Variants in TTLL11 observed in about 807,000 individuals in gnomAD.
The protein encoded by TTLL11 is tubulin tyrosine ligase like 11, also known as tubulin polyglutamylase TTLL11.
In TTLL11, 42 loss-of-function variants were observed where a neutral mutation model predicts 51.7. The ratio of observed to expected loss-of-function variants is 0.81; its 90% confidence interval spans 0.64 to 1.05. The LOEUF (loss-of-function observed/expected upper bound fraction) is 1.05, where lower values mean the gene tolerates loss of function less well. Ranked by LOEUF, TTLL11 falls within the 50% of genes least tolerant of loss-of-function variation. TTLL11 has a pLI of 0.00. For synonymous variants in TTLL11, 381 were observed against 383.5 expected, an observed-to-expected ratio of 0.99 and a Z score of 0.08; for missense variants, 799 against 940.4, an observed-to-expected ratio of 0.85 and a Z score of 1.97.
chr9:122,025,867 C>A (rs1422532280), intron 3 of TTLL11, among the ~76,000 whole-genome samples: 1 of 152,230 alleles, frequency 6.6e-6, no homozygotes, highest in Non-Finnish European at 1.5e-5. Context: ...TTTGTAACAG[C>A]CAGAAAACTG....
At chr9:122,015,923 G>T (rs1004528035) in intron 3 of TTLL11, among the ~76,000 whole-genome samples, 2 of 152,144 alleles carry the variant, frequency 1.3e-5, no homozygotes, top group African/African-American at 4.8e-5. Flanking sequence ...ATAGGCACTG[G>T]GGAGATAATG....
intron 2 of TTLL11, among the ~76,000 whole-genome samples, chr9:122,035,320 G>T (rs1245736365): frequency 2.6e-5 from 4 of 152,190 alleles, no homozygotes; most frequent in Non-Finnish European, 5.9e-5. Context: ...CCTATCGATT[G>T]GGAAAACCTC....
chr9:121,850,110 A>C (rs1487198051), intron 8 of TTLL11, among the ~76,000 whole-genome samples: 1 of 152,084 alleles, frequency 6.6e-6, no homozygotes, highest in East Asian at 1.9e-4. Flanking sequence ...GGCTGATTTA[A>C]ATCTGCACAT....
rs1554785376 is a variant in TTLL11 at position 122,030,202 on chromosome 9, T to TGC, written c.693+1520_693+1521insGC. ...GAGCAGAGCCACAGAAGAGAGACAT[T>TGC]GGGGGGGGGGGGGTAATTATGAGGA... On this transcript the variant is annotated intron_variant, in intron 3 of 8. Coordinates refer to ENST00000321582, the MANE Select transcript of TTLL11 (RefSeq NM_001139442.2). Among the ~76,000 whole-genome samples the TGC allele has an allele frequency of 1.9e-4, 15 of 78,536 alleles. No homozygotes were observed. The Admixed American group carries it at 1.9e-3, about 10-fold the overall frequency. 51.5% of individuals were successfully genotyped at this position (78,536 alleles called of 152,430 possible).
intron 1 of TTLL11, among the ~76,000 whole-genome samples, chr9:122,077,680 G>T (rs1845896167): frequency 6.6e-6 from 1 of 151,492 alleles, no homozygotes; most frequent in Non-Finnish European, 1.5e-5. Flanking sequence ...CAAAAATCAG[G>T]GCTACAAAAT....
intron 4 of TTLL11, among the ~76,000 whole-genome samples, chr9:121,975,252 CA>C (rs1842676099): frequency 6.6e-6 from 1 of 152,184 alleles, no homozygotes; most frequent in Non-Finnish European, 1.5e-5. Flanking sequence ...TCTTCTTTAA[CA>C]GGTTTTTTAT....
intron 2 of TTLL11, 147 bp from the exon 3 acceptor site, chr9:122,032,003 G>T: frequency 1.8e-6 from 2 of 1,086,848 alleles, no homozygotes; most frequent in Non-Finnish European, 2.5e-6. Flanking sequence ...GTTCCCCACA[G>T]CGGTGACTCA....
At chr9:121,942,576 T>C (rs1368525903) in intron 6 of TTLL11, among the ~76,000 whole-genome samples, 2 of 142,344 alleles carry the variant, frequency 1.4e-5, no homozygotes, top group Non-Finnish European at 3.0e-5. Context: ...GTTGAATGAA[T>C]AAACAGGGAT....
At chr9:121,964,419 T>G (rs1463630899) in intron 6 of TTLL11, among the ~76,000 whole-genome samples, 2 of 152,158 alleles carry the variant, frequency 1.3e-5, no homozygotes, top group South Asian at 4.1e-4. Context: ...TGCCTTAGCC[T>G]CCTGAGTAGC....
At chr9:122,002,750 T>C (rs976409465) in intron 3 of TTLL11, among the ~76,000 whole-genome samples, 2 of 151,692 alleles carry the variant, frequency 1.3e-5, no homozygotes, top group African/African-American at 4.8e-5. Context: ...ATCGAGACCA[T>C]CCTGGCCAAC....
At position 121,995,712 on chromosome 9, in the gene TTLL11, C is replaced by T. The variant is rs908109979; in HGVS notation, c.694-5942G>A. 4.6e-5 allele frequency among the ~76,000 whole-genome samples: 7 copies of T among 152,138 alleles called. No individual in the cohort carries two copies. Among genetic ancestry groups the T allele is most frequent in the Non-Finnish European group, 8.8e-5 (6 of 68,034 alleles). ...GCTAATTTAGGACTTTATAATATCC[C>T]GCAAGCCCTCTACTGTTCATCGGAA... On this transcript the variant is annotated intron_variant, in intron 3 of 8. Coordinates refer to ENST00000321582, the MANE Select transcript of TTLL11 (RefSeq NM_001139442.2). The surrounding 1 kb of genome is among the most constrained non-coding windows in gnomAD (Gnocchi z 4.4).
rs776009513 is a variant in TTLL11 at position 122,089,016 on chromosome 9, C to CCA, written c.462+3670_462+3671insTG. ...TGGATGACAGAACGACACCCTGTCT[C>CCA]AAAAAAAAAAAAAAAAAAAGTGAAA... On this transcript the variant is annotated intron_variant, in intron 1 of 8. Coordinates refer to ENST00000321582, the MANE Select transcript of TTLL11 (RefSeq NM_001139442.2). 8.9e-4 allele frequency among the ~76,000 whole-genome samples: 82 copies of CCA among 91,946 alleles called. 1 individual carries two copies. In the South Asian group the frequency reaches 0.012, roughly 13 times the overall value. 60.3% of individuals were successfully genotyped at this position (91,946 alleles called of 152,430 possible). A position where few individuals can be genotyped will look rare whatever the true frequency, so the allele number is the denominator to read the frequency against.
At chr9:121,857,806 G>C (rs1837874825) in intron 8 of TTLL11, among the ~76,000 whole-genome samples, 1 of 152,204 alleles carries the variant, frequency 6.6e-6, no homozygotes. Context: ...CAATTTAAGA[G>C]GCAAACAAAA....
chr9:121,854,126 G>T (rs1337660208), intron 8 of TTLL11, among the ~76,000 whole-genome samples: 1 of 152,118 alleles, frequency 6.6e-6, no homozygotes, highest in East Asian at 1.9e-4. Flanking sequence ...CTTCCCTGAG[G>T]TTAGCTAGCA....
At chr9:121,996,853 C>T (rs1843283195) in intron 3 of TTLL11, among the ~76,000 whole-genome samples, 1 of 152,212 alleles carries the variant, frequency 6.6e-6, no homozygotes, top group Non-Finnish European at 1.5e-5. Flanking sequence ...TAATTGCCAA[C>T]TCTCCACTCT....
chr9:121,964,487 G>A (rs903623347), intron 6 of TTLL11, among the ~76,000 whole-genome samples: 4 of 151,950 alleles, frequency 2.6e-5, no homozygotes, highest in African/African-American at 4.8e-5. Context: ...TAGTAGAGAT[G>A]GGGTTTTACC....
chr9:121,866,107 C>T (rs987630304), intron 7 of TTLL11, among the ~76,000 whole-genome samples: 3 of 152,128 alleles, frequency 2.0e-5, no homozygotes, highest in Non-Finnish European at 4.4e-5. Context: ...GTGTATATCT[C>T]GCCAGTGAAT....
intron 7 of TTLL11, among the ~76,000 whole-genome samples, chr9:121,862,207 G>A (rs936830438): frequency 1.3e-5 from 2 of 151,896 alleles, no homozygotes; most frequent in African/African-American, 4.8e-5. Context: ...AATGTGGAGG[G>A]GAGGGCAGTC....
At chr9:121,947,594 T>C (rs377682842) in intron 6 of TTLL11, among the ~76,000 whole-genome samples, 12 of 152,148 alleles carry the variant, frequency 7.9e-5, no homozygotes, top group African/African-American at 1.9e-4. Context: ...AAAAGGAAAA[T>C]ACAAGTGTAG....
Sources: allele counts gnomAD v4.1 joint callset (sites outside exome capture counted in the v4.1 genomes callset), GRCh38; gene constraint gnomAD v4.1.1; non-coding constraint Gnocchi (gnomAD v3.1); transcripts MANE v1.5; gene names NCBI Gene and HGNC (gene_info 2026-07-23, HGNC 2026-07-21).